The following PSME4 variants were observed in gnomAD, a reference collection of about 807,000 sequenced individuals.
PSME4 encodes the protein proteasome activator complex subunit 4.
A neutral mutation model predicts 253.9 loss-of-function variants in PSME4; 89 were observed. The observed-to-expected ratio is 0.35, with a 90% CI of 0.30 to 0.42. The LOEUF (loss-of-function observed/expected upper bound fraction) is 0.42. PSME4 is among the 10% of genes least tolerant of loss of function. The pLI is 1.00. For synonymous variants in PSME4, 851 were observed against 759.2 expected (o/e 1.12, Z -1.99); for missense variants, 2,014 against 2,195.2 (o/e 0.92, Z 1.65).
At chr2:53,873,463 T>A (rs1678989517) in intron 43 of PSME4, among the ~76,000 whole-genome samples, 1 of 152,150 alleles carries the variant, frequency 6.6e-6, no homozygotes, top group African/African-American at 2.4e-5. Flanking sequence ...GTCCATAAAA[T>A]AAGCAAAATT....
chr2:53,960,754 T>C (rs1352345306), intron 1 of PSME4, among the ~76,000 whole-genome samples: 2 of 152,218 alleles, frequency 1.3e-5, no homozygotes, highest in Non-Finnish European at 2.9e-5. Flanking sequence ...AGTGGGGCTC[T>C]GGGTACCAGT....
At chr2:53,866,702 A>G (rs779222989) in intron 45 of PSME4, 45 bp downstream of exon 45, 109 of 1,564,060 alleles carry the variant, frequency 7.0e-5, no homozygotes, top group Non-Finnish European at 9.2e-5. Context: ...TTCTTAGAAA[A>G]CATCACTGAT....
At position 53,901,479 on chromosome 2, in the gene PSME4, C is replaced by T. The variant is rs748617956; in HGVS notation, c.3156G>A (p.Thr1052=). 2.3e-5 allele frequency: 37 copies of T among 1,613,988 alleles called. No individual in the cohort carries two copies. In the South Asian group the frequency reaches 3.1e-4, roughly 13 times the overall value. ...GCCCTGAAGAAACAATCGCTGGCCA[C>T]GTCTGTACAATACAGTCCCAATCAT... The part of the protein sequence containing the change: ...NLHDWDCIVQ[T]WPAIVSSGLS... Residue 1052 remains threonine (T), a synonymous_variant, in exon 28 of 47, where the codon ACG becomes ACA. Transcript: ENST00000404125.
intron 44 of PSME4, among the ~76,000 whole-genome samples, chr2:53,867,669 CAAAA>C (rs35848517): frequency 0.29 from 28,606 of 98,336 alleles, 3,193 homozygotes; most frequent in South Asian, 0.35. Context: ...GACCTTACCT[CAAAA>C]AAAAAAAAAA....
In PSME4 at chr2:53,937,430, G is replaced by T. The variant is rs754968471; in HGVS notation, c.656C>A (p.Pro219His). The T allele has an allele frequency of 6.2e-7, 1 of 1,609,000 alleles. No homozygotes were observed. The highest frequency in any genetic ancestry group is 8.5e-7 in the Non-Finnish European group (1 of 1,176,966). ...ATGAAGTTCTGGAGGAAGGGAGGTA[G>T]GAAGAAATATTTCAAAATAAGTGAT... ...KAITYFEIFLPTSLPPELHHK... is the reference protein window; with the variant it reads ...KAITYFEIFLHTSLPPELHHK... The change falls in exon 5 of 47, where the codon CCT becomes CAT. Residue 219 changes from proline to histidine, a missense_variant. This residue lies in a region of PSME4 where 615 missense variants were observed against 594.4 expected (regional missense o/e 1.03). Transcript: ENST00000404125.
intron 5 of PSME4, among the ~76,000 whole-genome samples, 178 bp downstream of exon 5, chr2:53,937,213 T>C (rs926194575): frequency 2.0e-5 from 3 of 152,218 alleles, no homozygotes; most frequent in Admixed American, 2.0e-4. Flanking sequence ...GGGTGTCATC[T>C]CTTTACTTTC....
At chr2:53,922,915 A>C (rs1668390076) in intron 16 of PSME4, 134 bp downstream of exon 16, 5 of 737,368 alleles carry the variant, frequency 6.8e-6, no homozygotes, top group Admixed American at 3.2e-5. Context: ...TCTTTTTTGG[A>C]GACAAATTTT....
chr2:53,914,551 T>A (rs1667970094), intron 20 of PSME4, among the ~76,000 whole-genome samples: 1 of 152,242 alleles, frequency 6.6e-6, no homozygotes, highest in South Asian at 2.1e-4. Flanking sequence ...TACTTTATTA[T>A]ATCCATCCTT....
intron 1 of PSME4, among the ~76,000 whole-genome samples, chr2:53,949,976 C>T (rs1669899243): frequency 6.6e-6 from 1 of 152,176 alleles, no homozygotes; most frequent in East Asian, 1.9e-4. Flanking sequence ...TTCTGTACTT[C>T]AATTGAGACA....
intron 1 of PSME4, 50 bp from the exon 2 acceptor site, chr2:53,949,333 TC>T: frequency 8.0e-7 from 1 of 1,246,400 alleles, no homozygotes; most frequent in Non-Finnish European, 1.1e-6. Context: ...TGATGACACA[TC>T]CATGTTCAAT....
At chr2:53,970,468 C>A in intron 1 of PSME4, 75 bp downstream of exon 1, 1 of 1,542,926 alleles carries the variant, frequency 6.5e-7, no homozygotes, top group South Asian at 1.2e-5. Context: ...GCCCTCTGGA[C>A]AAAGAGCAAC....
chr2:53,965,531 T>A (rs1465353835), intron 1 of PSME4, among the ~76,000 whole-genome samples: 1 of 148,482 alleles, frequency 6.7e-6, no homozygotes, highest in African/African-American at 2.5e-5. Flanking sequence ...AAGTGATTTT[T>A]CCAGCAGTAT....
Position 53,948,511 on chromosome 2 carries a change from T to A in PSME4, c.410A>T (p.Asp137Val), listed in dbSNP as rs1485502620. 3.7e-6 allele frequency: 6 copies of A among 1,612,738 alleles called. No individual in the cohort carries two copies. Among genetic ancestry groups the A allele is most frequent in the African/African-American group, 1.3e-5 (1 of 74,894 alleles). ...AAGTGGTCTCCAGGGTAACTCCAAA[T>A]CAGCTCTTGAAAGAAGTTCCTTTTT... ...LKKKELLSRA[D>V]LELPWRPLYD... is the part of the protein sequence containing the mutation. The change falls in exon 3 of 47, where the codon GAT (aspartate) becomes GTT (valine). Residue 137 changes from aspartate to valine, a missense_variant. By Grantham distance (152) the Asp-to-Val change is radical. Coordinates refer to ENST00000404125, the MANE Select transcript of PSME4 (RefSeq NM_014614.3).
chr2:53,887,904 G>C lies in PSME4; in HGVS notation c.4474C>G (p.Pro1492Ala). ...TTTTTGTAAACCTGGGTGAGTTTGG[G>C]TTCCAAGTACTTCAGTAGTCTGTGC... ...LLHRLLKYLE[P>A]KLTQVYKNVR... Residue 1492 changes from proline to alanine, a missense_variant, in exon 39 of 47, where the codon CCC (proline) becomes GCC (alanine). Transcript: ENST00000404125. The C allele has an allele frequency of 6.2e-7, 1 of 1,606,210 alleles. No homozygotes were observed. The highest frequency in any genetic ancestry group is 8.5e-7 in the Non-Finnish European group (1 of 1,173,032).
intron 14 of PSME4, among the ~76,000 whole-genome samples, chr2:53,924,218 T>C (rs1668458975): frequency 6.6e-6 from 1 of 152,192 alleles, no homozygotes. Flanking sequence ...GGGTTAACAA[T>C]ACTGAAAAGT....
At chr2:53,967,041 C>T (rs1479677663) in intron 1 of PSME4, among the ~76,000 whole-genome samples, 1 of 152,164 alleles carries the variant, frequency 6.6e-6, no homozygotes, top group Non-Finnish European at 1.5e-5. Flanking sequence ...ATGGGCCATA[C>T]AAGTTATCTA....
At chr2:53,955,552 GAATAT>G (rs1222488192) in intron 1 of PSME4, among the ~76,000 whole-genome samples, 1 of 151,998 alleles carries the variant, frequency 6.6e-6, no homozygotes, top group Non-Finnish European at 1.5e-5. Context: ...ATATGGAACG[GAATAT>G]AATATTTATA....
chr2:53,893,557 A>G lies in PSME4; in HGVS notation c.4038+117T>C. The G allele has an allele frequency of 2.6e-6, 4 of 1,533,382 alleles. No homozygotes were observed. In the African/African-American group the frequency reaches 4.2e-5, roughly 16 times the overall value. 95.0% of individuals were successfully genotyped at this position (1,533,382 alleles called of 1,614,324 possible). On this transcript the variant is annotated intron_variant, in intron 35 of 46. Coordinates refer to ENST00000404125, the MANE Select transcript of PSME4 (RefSeq NM_014614.3). ...TCTGTACATGTTCAGTGTAAATTCC[A>G]GTGCCATTTTAGATCAAGGCAGATG...
intron 37 of PSME4, among the ~76,000 whole-genome samples, chr2:53,889,703 T>C (rs1334128287): frequency 1.3e-5 from 2 of 152,254 alleles, no homozygotes; most frequent in Non-Finnish European, 2.9e-5. Context: ...ATATCTGGTA[T>C]AAAAAATAAT....
Sources: gnomAD v4.1 joint callset for allele counts (sites outside exome capture counted in the v4.1 genomes callset) on GRCh38, gnomAD v4.1.1 for gene constraint, gnomAD v4.1.1 regional missense constraint, MANE v1.5 for transcripts, NCBI Gene and HGNC (gene_info 2026-07-23, HGNC 2026-07-21) for gene names.